NOS1AP: variants seen among roughly 807,000 people sequenced by gnomAD.
NOS1AP encodes the protein nitric oxide synthase 1 adaptor protein.
In NOS1AP, 21 loss-of-function variants were observed where a neutral mutation model predicts 56.2. The observed-to-expected ratio is 0.37, with a 90% confidence interval of 0.26 to 0.54. NOS1AP has a LOEUF of 0.54. Among genes scored for constraint, NOS1AP ranks in the 20% least tolerant of loss-of-function variants. The pLI is 0.84. For missense variants in NOS1AP, 522 were observed against 657.8 expected (o/e 0.79, Z 2.26); for synonymous variants, 270 against 274.6 (o/e 0.98, Z 0.17).
At chr1:162,244,972 G>T (rs6427665) in intron 2 of NOS1AP, among the ~76,000 whole-genome samples, 1 of 151,924 alleles carries the variant, frequency 6.6e-6, no homozygotes, top group African/African-American at 2.4e-5. Context: ...TATATAGGGT[G>T]ATGGGAGCTT....
At chr1:162,204,468 G>A (rs1652099014) in intron 2 of NOS1AP, among the ~76,000 whole-genome samples, 1 of 152,218 alleles carries the variant, frequency 6.6e-6, no homozygotes. Context: ...GGCAGGTGAT[G>A]ACTGGGGATT....
chr1:162,354,637 T>C (rs1322409636), intron 6 of NOS1AP, among the ~76,000 whole-genome samples: 1 of 152,226 alleles, frequency 6.6e-6, no homozygotes, highest in Non-Finnish European at 1.5e-5. Flanking sequence ...CTCTGAGGGC[T>C]GGGAGATTGA....
At chr1:162,299,223 A>G (rs776450505) in intron 3 of NOS1AP, among the ~76,000 whole-genome samples, 1 of 152,108 alleles carries the variant, frequency 6.6e-6, no homozygotes, top group African/African-American at 2.4e-5. Flanking sequence ...CTATAAACCA[A>G]TCTGCTGGGT....
intron 2 of NOS1AP, among the ~76,000 whole-genome samples, chr1:162,202,308 A>G (rs1557831260): frequency 6.6e-6 from 1 of 152,204 alleles, no homozygotes; most frequent in Non-Finnish European, 1.5e-5. Flanking sequence ...TCAGTGAAAC[A>G]CCTGTAATAT....
rs12737092 is a variant in NOS1AP at position 162,075,627 on chromosome 1, G to T, written c.105+5345G>T. Among the ~76,000 whole-genome samples the T allele has an allele frequency of 9.2e-3, 1,396 of 152,258 alleles. 13 individuals carry two copies. The highest frequency in any genetic ancestry group is 0.027 in the South Asian group (132 of 4,820). ...CTCCCTTCTCTCCACCCAGACTAAG[G>T]GTCCTGTCTTCCAGGGTTCTGGAAC... is the stretch of plus-strand genomic sequence containing the variant. On this transcript the variant is annotated intron_variant, in intron 1 of 9. Coordinates refer to ENST00000361897, the MANE Select transcript of NOS1AP (RefSeq NM_014697.3).
intron 2 of NOS1AP, among the ~76,000 whole-genome samples, chr1:162,263,199 C>T (rs1186221333): frequency 6.6e-6 from 1 of 152,154 alleles, no homozygotes; most frequent in Middle Eastern, 3.2e-3. Context: ...TTATTTTGTG[C>T]TGCTATAACA....
intron 2 of NOS1AP, among the ~76,000 whole-genome samples, chr1:162,171,761 G>C (rs987602465): frequency 5.3e-5 from 8 of 151,952 alleles, no homozygotes; most frequent in Non-Finnish European, 8.8e-5. Context: ...CTCTTCTCTG[G>C]AGAGTTCTTT....
intron 2 of NOS1AP, among the ~76,000 whole-genome samples, chr1:162,253,621 A>G (rs971590234): frequency 1.3e-5 from 2 of 152,184 alleles, no homozygotes; most frequent in Non-Finnish European, 2.9e-5. Flanking sequence ...CCATAATCCT[A>G]GATTTTCTAG....
chr1:162,230,244 G>T (rs879505612), intron 2 of NOS1AP, among the ~76,000 whole-genome samples: 24 of 152,150 alleles, frequency 1.6e-4, no homozygotes, highest in Non-Finnish European at 3.2e-4. Flanking sequence ...GGACGGAGGG[G>T]TGTATGCTGC....
intron 8 of NOS1AP, chr1:162,361,047 A>G (rs1657886352): frequency 7.6e-6 from 3 of 395,438 alleles, no homozygotes; most frequent in East Asian, 7.2e-5. Context: ...TTTGTGTGTC[A>G]TGATGAGGCC....
At chr1:162,193,536 T>C (rs1371235641) in intron 2 of NOS1AP, among the ~76,000 whole-genome samples, 1 of 152,142 alleles carries the variant, frequency 6.6e-6, no homozygotes, top group Non-Finnish European at 1.5e-5. Flanking sequence ...TTTAAGAATT[T>C]GTGCTGATGG....
At chr1:162,305,832 G>C (rs1302885083) in intron 4 of NOS1AP, among the ~76,000 whole-genome samples, 1 of 152,136 alleles carries the variant, frequency 6.6e-6, no homozygotes, top group Non-Finnish European at 1.5e-5. Flanking sequence ...AACTCCTCGG[G>C]ATAATAACAG....
chr1:162,118,626 A>G (rs1648070084), intron 1 of NOS1AP, among the ~76,000 whole-genome samples: 1 of 151,884 alleles, frequency 6.6e-6, no homozygotes, highest in Admixed American at 6.6e-5. Flanking sequence ...TCATTAAAAA[A>G]CCCCAAACCA....
intron 2 of NOS1AP, among the ~76,000 whole-genome samples, chr1:162,235,390 T>A (rs1653259403): frequency 6.6e-6 from 1 of 152,208 alleles, no homozygotes; most frequent in Non-Finnish European, 1.5e-5. Flanking sequence ...GCGCTGGTAT[T>A]GGCTCTTGGT....
chr1:162,296,118 C>T (rs1283252315), intron 3 of NOS1AP, among the ~76,000 whole-genome samples: 1 of 152,112 alleles, frequency 6.6e-6, no homozygotes, highest in Non-Finnish European at 1.5e-5. Context: ...GAAACCCCAT[C>T]TCTACTAAAA....
At chr1:162,335,285 G>C (rs896459716) in intron 5 of NOS1AP, among the ~76,000 whole-genome samples, 5 of 152,214 alleles carry the variant, frequency 3.3e-5, no homozygotes. Context: ...CCATGCAGCT[G>C]AGGGGATTGT....
At chr1:162,277,368 CA>C (rs1654776262) in intron 2 of NOS1AP, among the ~76,000 whole-genome samples, 1 of 152,182 alleles carries the variant, frequency 6.6e-6, no homozygotes, top group Non-Finnish European at 1.5e-5. Flanking sequence ...TCCTCCTTCT[CA>C]AATAGTTTCT....
At chr1:162,070,747 AT>A (rs1203433656) in intron 1 of NOS1AP, among the ~76,000 whole-genome samples, 120 of 146,972 alleles carry the variant, frequency 8.2e-4, no homozygotes, top group Admixed American at 1.2e-3. Context: ...AAGAATCCAG[AT>A]TTTTTTTTTT....
intron 1 of NOS1AP, among the ~76,000 whole-genome samples, chr1:162,081,774 A>ATTTTTTTTTTTTTTTTTTTT (rs59767273): frequency 4.5e-5 from 2 of 44,058 alleles, no homozygotes; most frequent in African/African-American, 1.5e-4. Context: ...ATATATATAT[A>ATTTTTTTTTTTTTTTTTTTT]TTTTTTTTTT....
Sources: gnomAD v4.1 joint callset for allele counts (sites outside exome capture counted in the v4.1 genomes callset) on GRCh38, gnomAD v4.1.1 for gene constraint, MANE v1.5 for transcripts, NCBI Gene and HGNC (gene_info 2026-07-23, HGNC 2026-07-21) for gene names.